The following ITCH variants were observed in gnomAD, a reference collection of about 807,000 sequenced individuals.
ITCH encodes the protein itchy E3 ubiquitin protein ligase, also known as E3 ubiquitin-protein ligase Itchy homolog.
A neutral mutation model predicts 126.8 loss-of-function variants in ITCH; 28 were observed. The observed-to-expected ratio is 0.22, with a 90% CI of 0.16 to 0.30. The LOEUF (loss-of-function observed/expected upper bound fraction) is 0.30. ITCH is among the 10% of genes least tolerant of loss of function. The pLI, the probability that ITCH is intolerant of heterozygous loss-of-function variation, is 1.00. For synonymous variants in ITCH, 342 were observed against 340.0 expected (o/e 1.01, Z -0.06); for missense variants, 631 against 1,032.4 (o/e 0.61, Z 5.33).
intron 2 of ITCH, among the ~76,000 whole-genome samples, chr20:34,370,579 A>G (rs141471218): frequency 4.0e-4 from 60 of 151,094 alleles, no homozygotes; most frequent in African/African-American, 1.3e-3. Flanking sequence ...CAGGAGAATC[A>G]TTTGAACCCA....
chr20:34,474,850 C>A (rs555988249), intron 16 of ITCH, among the ~76,000 whole-genome samples: 10 of 152,226 alleles, frequency 6.6e-5, no homozygotes, highest in Admixed American at 1.3e-4. Flanking sequence ...ACGCTCCTCA[C>A]TTCCCAGACG....
chr20:34,487,174 G>T (rs923733137), intron 20 of ITCH, among the ~76,000 whole-genome samples: 1 of 151,662 alleles, frequency 6.6e-6, no homozygotes, highest in East Asian at 1.9e-4. Context: ...ACCACACCTG[G>T]CTAATTTTTT....
chr20:34,479,932 T>C, intron 18 of ITCH, 143 bp downstream of exon 18: 1 of 760,694 alleles, frequency 1.3e-6, no homozygotes, highest in Non-Finnish European at 2.2e-6. Context: ...AGAGTCTTGC[T>C]CTGTCACCCA....
chr20:34,499,221 G>T (rs527989232), intron 23 of ITCH, among the ~76,000 whole-genome samples: 1 of 132,022 alleles, frequency 7.6e-6, no homozygotes, highest in Non-Finnish European at 1.6e-5. Flanking sequence ...TGATCCGCCC[G>T]CCTTGGACTC....
intron 3 of ITCH, among the ~76,000 whole-genome samples, chr20:34,401,882 A>C (rs1226782259): frequency 6.6e-6 from 1 of 152,116 alleles, no homozygotes; most frequent in Non-Finnish European, 1.5e-5. Context: ...ACATATATAT[A>C]TCTTGAAATA....
chr20:34,406,925 T>C (rs908159656), intron 3 of ITCH, among the ~76,000 whole-genome samples: 3 of 152,200 alleles, frequency 2.0e-5, no homozygotes, highest in Admixed American at 6.5e-5. Context: ...CTCTGAACTT[T>C]GCTGCTACAG....
chr20:34,470,738 G>T (rs917642243), intron 15 of ITCH, among the ~76,000 whole-genome samples: 1 of 151,978 alleles, frequency 6.6e-6, no homozygotes, highest in Non-Finnish European at 1.5e-5. Flanking sequence ...CACTACAGAT[G>T]CACTTCACCA....
intron 2 of ITCH, among the ~76,000 whole-genome samples, chr20:34,374,966 C>T (rs1013804739): frequency 6.6e-6 from 1 of 151,386 alleles, no homozygotes; most frequent in Non-Finnish European, 1.5e-5. Context: ...GTGTTGAACT[C>T]CTGACCTCAG....
intron 4 of ITCH, among the ~76,000 whole-genome samples, chr20:34,410,832 G>A (rs1459455259): frequency 6.6e-6 from 1 of 152,170 alleles, no homozygotes; most frequent in African/African-American, 2.4e-5. Context: ...CTCTTAAGCT[G>A]TTAATGTCAT....
intron 20 of ITCH, among the ~76,000 whole-genome samples, chr20:34,487,726 G>A (rs1037506777): frequency 9.9e-5 from 15 of 152,066 alleles, no homozygotes; most frequent in Admixed American, 9.2e-4. Context: ...ATTGCCTGAG[G>A]TCAGGAGTTC....
intron 13 of ITCH, among the ~76,000 whole-genome samples, chr20:34,461,393 A>AGATCAG (rs1229628741): frequency 1.3e-5 from 2 of 152,086 alleles, no homozygotes; most frequent in Non-Finnish European, 2.9e-5. Context: ...AGATAAGGAA[A>AGATCAG]ACGAGTTAGG....
At chr20:34,382,547 A>T (rs575753490) in intron 2 of ITCH, among the ~76,000 whole-genome samples, 172 of 150,520 alleles carry the variant, frequency 1.1e-3, no homozygotes, top group Non-Finnish European at 1.9e-3. Context: ...CTGGAATTAC[A>T]GGCGCCTGCC....
At chr20:34,365,424 CGTTT>C (rs1309070810) in intron 1 of ITCH, among the ~76,000 whole-genome samples, 1 of 151,976 alleles carries the variant, frequency 6.6e-6, no homozygotes, top group Non-Finnish European at 1.5e-5. Context: ...ACATCTTTTT[CGTTT>C]GTTTGAGACG....
chr20:34,490,527 C>T (rs1442226902), intron 22 of ITCH, among the ~76,000 whole-genome samples: 2 of 152,120 alleles, frequency 1.3e-5, no homozygotes, highest in African/African-American at 4.8e-5. Flanking sequence ...CCTGTAATCC[C>T]AGCTACTTGG....
intron 10 of ITCH, among the ~76,000 whole-genome samples, 183 bp downstream of exon 10, chr20:34,442,486 A>G (rs530049874): frequency 6.6e-6 from 1 of 152,298 alleles, no homozygotes; most frequent in South Asian, 2.1e-4. Context: ...AGAGCCTGAT[A>G]AACAATTTTT....
intron 2 of ITCH, among the ~76,000 whole-genome samples, chr20:34,380,382 T>A (rs373120778): frequency 5.9e-5 from 9 of 152,150 alleles, no homozygotes; most frequent in African/African-American, 2.2e-4. Context: ...TGCTGTGAAC[T>A]GTGATTTTAA....
chr20:34,364,015 G>T (rs1319178252), intron 1 of ITCH, among the ~76,000 whole-genome samples: 3 of 152,084 alleles, frequency 2.0e-5, no homozygotes, highest in African/African-American at 7.2e-5. Context: ...CTTTTCTTTA[G>T]CAGAGAAAAG....
At chr20:34,393,076 A>C (rs1385369369) in intron 2 of ITCH, among the ~76,000 whole-genome samples, 2 of 152,052 alleles carry the variant, frequency 1.3e-5, no homozygotes, top group Non-Finnish European at 2.9e-5. Flanking sequence ...CCCCACCCCA[A>C]CTCATGCATG....
chr20:34,436,314 T>G (rs1017933328), intron 7 of ITCH, among the ~76,000 whole-genome samples: 1 of 152,190 alleles, frequency 6.6e-6, no homozygotes, highest in East Asian at 1.9e-4. Context: ...ACATAACTCA[T>G]CAGTAGCAGA....
Sources: allele counts gnomAD v4.1 joint callset (sites outside exome capture counted in the v4.1 genomes callset), GRCh38; gene constraint gnomAD v4.1.1; transcripts MANE v1.5; gene names NCBI Gene and HGNC (gene_info 2026-07-23, HGNC 2026-07-21).